Variants in DENND1B observed in about 807,000 individuals in gnomAD.
DENND1B encodes DENN domain containing 1B, also known as DENN domain-containing protein 1B.
In DENND1B, 59 loss-of-function variants were observed where a neutral mutation model predicts 90.1. The observed-to-expected ratio is 0.65, with a 90% confidence interval of 0.53 to 0.81. The LOEUF is 0.81. DENND1B is among the 40% of genes least tolerant of loss of function. The pLI, the probability that DENND1B is intolerant of heterozygous loss-of-function variation, is 0.00. For missense variants in DENND1B, 862 were observed against 912.6 expected (o/e 0.94, Z 0.71); for synonymous variants, 337 against 324.6 (o/e 1.04, Z -0.41).
Position 197,607,085 on chromosome 1 carries a change from T to C in DENND1B, c.909A>G (p.Leu303=). 3 of 1,604,946 alleles carry C rather than the reference T, an allele frequency of 1.9e-6. No homozygotes were observed. The highest frequency in any genetic ancestry group is 2.6e-6 in the Non-Finnish European group (3 of 1,174,000). Residue 303 remains leucine, a synonymous_variant, in exon 13 of 23, where the codon CTA becomes CTG. Coordinates refer to ENST00000620048, the MANE Select transcript of DENND1B (RefSeq NM_001195215.2). ...CCTTCATACTTACCACATCACTTGG[T>C]AGGTTGTTCAAGTCACTAAATGGTG... is the stretch of plus-strand genomic sequence containing the variant. ...LESPFSDLNN[L]PSDVVSALKN... is the part of the protein sequence containing the mutation.
chr1:197,637,035 T>A (rs1010277264), intron 10 of DENND1B, among the ~76,000 whole-genome samples: 10 of 151,800 alleles, frequency 6.6e-5, no homozygotes, highest in African/African-American at 2.4e-4. Flanking sequence ...AAAAAAAAAA[T>A]TATAGTATGT....
intron 18 of DENND1B, among the ~76,000 whole-genome samples, chr1:197,544,477 T>C (rs1670567850): frequency 2.0e-5 from 3 of 152,160 alleles, no homozygotes; most frequent in South Asian, 4.1e-4. Context: ...AGGGTCTTAA[T>C]TGTCATATTA....
intron 5 of DENND1B, among the ~76,000 whole-genome samples, chr1:197,664,010 T>TAC (rs10638441): frequency 0.3 from 44,610 of 149,394 alleles, 6,706 homozygotes; most frequent in Middle Eastern, 0.4. Flanking sequence ...AACACACACA[T>TAC]ACACACACAC....
In DENND1B at chr1:197,546,004, A is replaced by G; in HGVS notation, c.1282-14T>C. Reference sequence around the variant, plus strand: ...TGCACCTCCTTTCTGCAAAAGAAAAACAGAAACATATTTCCAAAAACTTTT... The same window carrying G: ...TGCACCTCCTTTCTGCAAAAGAAAAGCAGAAACATATTTCCAAAAACTTTT... On this transcript the variant is annotated splice_polypyrimidine_tract_variant and intron_variant, in intron 17 of 22. Coordinates refer to ENST00000620048, the MANE Select transcript of DENND1B (RefSeq NM_001195215.2). 1 of 1,586,344 alleles carries G rather than the reference A, an allele frequency of 6.3e-7. No homozygotes were observed. The highest frequency in any genetic ancestry group is 1.2e-5 in the South Asian group (1 of 84,526).
At chr1:197,549,637 G>A (rs990582636) in intron 16 of DENND1B, among the ~76,000 whole-genome samples, 7 of 152,038 alleles carry the variant, frequency 4.6e-5, no homozygotes, top group Non-Finnish European at 8.8e-5. Context: ...CCAACACTGT[G>A]TTTACTTAAA....
intron 2 of DENND1B, among the ~76,000 whole-genome samples, chr1:197,730,107 T>G (rs1662019365): frequency 6.6e-6 from 1 of 152,172 alleles, no homozygotes; most frequent in Non-Finnish European, 1.5e-5. Context: ...TAAAATAATG[T>G]TTTTATGTAT....
At position 197,747,143 on chromosome 1, in the gene DENND1B, G is replaced by C; in HGVS notation, c.82+25725C>G. On this transcript the variant is annotated intron_variant, in intron 2 of 22. Transcript: ENST00000620048. ...TTCCTCAATTTATCTTTTCTGGAGCGTTTTCTTTTTTTCCCTCTGAATCTT... is the reference window on the plus strand; with the variant it reads ...TTCCTCAATTTATCTTTTCTGGAGCCTTTTCTTTTTTTCCCTCTGAATCTT... 9.1e-6 allele frequency: 7 copies of C among 767,164 alleles called. No homozygotes were observed. The South Asian group carries it at 9.8e-5, about 11-fold the overall frequency. The allele number at this position is 767,164 out of a possible 1,614,324, so 47.5% of individuals were successfully genotyped here. A position where few individuals can be genotyped will look rare whatever the true frequency, so the allele number is the denominator to read the frequency against.
intron 15 of DENND1B, among the ~76,000 whole-genome samples, chr1:197,579,808 T>C (rs1411953960): frequency 6.6e-6 from 1 of 152,178 alleles, no homozygotes; most frequent in African/African-American, 2.4e-5. Context: ...ATTACACACA[T>C]CAACTTATTT....
intron 10 of DENND1B, 57 bp from the exon 11 acceptor site, chr1:197,617,816 G>A (rs1318306381): frequency 8.3e-7 from 1 of 1,205,944 alleles, no homozygotes; most frequent in Non-Finnish European, 1.2e-6. Context: ...CAAACAAAAA[G>A]CAATGTTCAA....
At chr1:197,535,723 T>C (rs1669826577) in intron 20 of DENND1B, among the ~76,000 whole-genome samples, 1 of 152,170 alleles carries the variant, frequency 6.6e-6, no homozygotes, top group Non-Finnish European at 1.5e-5. Context: ...CACTCACCTC[T>C]ACTGCCCTTC....
intron 15 of DENND1B, among the ~76,000 whole-genome samples, chr1:197,555,039 A>G (rs1671599247): frequency 6.6e-6 from 1 of 152,038 alleles, no homozygotes; most frequent in Non-Finnish European, 1.5e-5. Context: ...CACACCTACA[A>G]CCAACTGATC....
At chr1:197,530,022 T>C (rs922085800) in intron 20 of DENND1B, among the ~76,000 whole-genome samples, 2 of 152,160 alleles carry the variant, frequency 1.3e-5, no homozygotes, top group African/African-American at 2.4e-5. Context: ...TGGAGCCTAA[T>C]TGGGAGATCT....
At chr1:197,652,204 TC>T (rs1653296331) in intron 7 of DENND1B, 30 bp downstream of exon 7, 5 of 1,582,720 alleles carry the variant, frequency 3.2e-6, no homozygotes, top group Non-Finnish European at 4.3e-6. Context: ...TAGCTATGAC[TC>T]CCAAAAACAA....
At chr1:197,552,514 CT>C (rs2125684047) in intron 16 of DENND1B, 1 of 985,356 alleles carries the variant, frequency 1.0e-6, no homozygotes, top group South Asian at 4.7e-5. Context: ...AAACTGGAAA[CT>C]TTCTTAATGC....
rs1393614642 is a variant in DENND1B at position 197,506,206 on chromosome 1, C to A, written c.*4254G>T. On this transcript the variant is annotated 3_prime_UTR_variant, in exon 23 of 23. Transcript: ENST00000620048. ...TGCAAGAAAAATTATTGCACGAAAT[C>A]CTATTTTCAAAATAAAATATTCTTC... 2 of 151,470 alleles carry A rather than the reference C, an allele frequency of 1.3e-5. No individual in the cohort carries two copies. The highest frequency in any genetic ancestry group is 6.6e-5 in the Admixed American group (1 of 15,176). The allele number at this position is 151,470 out of a possible 1,614,324, so 9.4% of individuals were successfully genotyped here.
intron 2 of DENND1B, among the ~76,000 whole-genome samples, chr1:197,765,373 G>A (rs1308044420): frequency 6.6e-6 from 1 of 152,156 alleles, no homozygotes; most frequent in Non-Finnish European, 1.5e-5. Context: ...TATTCTCATT[G>A]TTATCTGAAG....
At chr1:197,663,271 T>C (rs1298089166) in intron 5 of DENND1B, among the ~76,000 whole-genome samples, 3 of 152,162 alleles carry the variant, frequency 2.0e-5, no homozygotes, top group African/African-American at 7.2e-5. Context: ...AGCCTAGTTA[T>C]AAACAATGCT....
At chr1:197,648,873 C>A (rs979219673) in intron 7 of DENND1B, among the ~76,000 whole-genome samples, 15 of 152,178 alleles carry the variant, frequency 9.9e-5, no homozygotes, top group Non-Finnish European at 2.2e-4. Flanking sequence ...TAAATAGCTA[C>A]AATGATGTCT....
intron 15 of DENND1B, among the ~76,000 whole-genome samples, chr1:197,568,123 C>CA (rs1432084406): frequency 2.0e-5 from 3 of 151,434 alleles, no homozygotes; most frequent in Admixed American, 6.6e-5. Flanking sequence ...AAGACTTGAG[C>CA]AAAAAAACTG....
Sources: gnomAD v4.1 joint callset for allele counts (sites outside exome capture counted in the v4.1 genomes callset) on GRCh38, gnomAD v4.1.1 for gene constraint, MANE v1.5 for transcripts, NCBI Gene and HGNC (gene_info 2026-07-23, HGNC 2026-07-21) for gene names.